Variants in KIF26B observed in about 807,000 individuals in gnomAD.
The protein encoded by KIF26B is kinesin-like protein KIF26B.
In KIF26B, 63 loss-of-function variants were observed where a neutral mutation model predicts 151.2. The ratio of observed to expected loss-of-function variants is 0.42; its 90% confidence interval spans 0.34 to 0.51. The LOEUF is 0.51. KIF26B is among the 20% of genes least tolerant of loss of function. The pLI is 0.07. For missense variants in KIF26B, 2,813 were observed against 2,913.6 expected (o/e 0.97, Z 0.79); for synonymous variants, 1,357 against 1,262.1 (o/e 1.08, Z -1.59).
At position 245,600,659 on chromosome 1, in the gene KIF26B, T is replaced by G. The variant is rs2043386448; in HGVS notation, c.1351-1918T>G. ...CTCCTGGATCATGATATCTTATCAT[T>G]TTCCAATCACAGCGTTAATGGTAAG... On this transcript the variant is annotated intron_variant, in intron 5 of 14. Transcript: ENST00000407071. Among the ~76,000 whole-genome samples, 4 of 151,838 alleles carry G rather than the reference T, an allele frequency of 2.6e-5. 1 individual carries two copies. In the South Asian group the frequency reaches 8.4e-4, roughly 32 times the overall value.
chr1:245,691,625 C>G (rs937377454), intron 12 of KIF26B, among the ~76,000 whole-genome samples: 2 of 152,210 alleles, frequency 1.3e-5, no homozygotes, highest in Admixed American at 6.5e-5. Context: ...AAATTCCTAA[C>G]TAGATGGCTA....
chr1:245,487,789 G>C (rs1660315202), intron 4 of KIF26B, among the ~76,000 whole-genome samples: 1 of 136,540 alleles, frequency 7.3e-6, no homozygotes, highest in Non-Finnish European at 1.6e-5. Flanking sequence ...TTTGAGACAA[G>C]AGTCTCGCTC....
rs1325564506 is a variant in KIF26B at position 245,244,336 on chromosome 1, C to T, written c.465+87653C>T. ...TGTTCCATTACTCTGAAAGACAATC[C>T]AAGATACGTCAGAGTCTCTTCTTGG... On this transcript the variant is annotated intron_variant, in intron 2 of 14. Transcript: ENST00000407071. This position sits in a 1 kb window ranked among gnomAD's most constrained non-coding sequence, Gnocchi z 4.2. Among the ~76,000 whole-genome samples the T allele has an allele frequency of 6.6e-6, 1 of 151,964 alleles. No homozygotes were observed. Among genetic ancestry groups the T allele is most frequent in the East Asian group, 1.9e-4 (1 of 5,190 alleles).
At position 245,287,060 on chromosome 1, in the gene KIF26B, G is replaced by T. The variant is rs796130419; in HGVS notation, c.466-79774G>T. 3.3e-5 allele frequency among the ~76,000 whole-genome samples: 5 copies of T among 152,084 alleles called. No homozygotes were observed. In the South Asian group the frequency reaches 1.0e-3, roughly 32 times the overall value. On this transcript the variant is annotated intron_variant, in intron 2 of 14. Coordinates refer to ENST00000407071, the MANE Select transcript of KIF26B (RefSeq NM_018012.4). ...GGAGGTGGAGGTTGCAGTGAGCCGA[G>T]ATCTTGCCACTGCACTCCAGCCTGG... is the stretch of plus-strand genomic sequence containing the variant.
rs1418710218 is a variant in KIF26B, at chr1:245,705,217, C to T, written c.*2611C>T. The T allele has an allele frequency of 6.6e-6, 1 of 152,232 alleles. No homozygotes were observed. The highest frequency in any genetic ancestry group is 1.5e-5 in the Non-Finnish European group (1 of 68,036). 9.4% of individuals were successfully genotyped at this position (152,232 alleles called of 1,614,324 possible). ...TCACAGAACACCTCGCAGGATCTCG[C>T]AGGCCACGGTGAAGGAGAATGCTTT... On this transcript the variant is annotated 3_prime_UTR_variant, in exon 15 of 15. Transcript: ENST00000407071.
At chr1:245,444,255 G>A (rs564411344) in intron 4 of KIF26B, among the ~76,000 whole-genome samples, 2 of 152,290 alleles carry the variant, frequency 1.3e-5, no homozygotes, top group East Asian at 1.9e-4. Flanking sequence ...CCGTGGGGAG[G>A]AGGCGGGTGG....
intron 2 of KIF26B, among the ~76,000 whole-genome samples, chr1:245,332,905 C>G (rs1372589648): frequency 6.6e-6 from 1 of 152,134 alleles, no homozygotes; most frequent in Non-Finnish European, 1.5e-5. Flanking sequence ...AGAAACATCT[C>G]CTGGAGACAC....
chr1:245,248,584 G>T (rs191600003), intron 2 of KIF26B, among the ~76,000 whole-genome samples: 14 of 152,246 alleles, frequency 9.2e-5, no homozygotes, highest in Admixed American at 2.6e-4. Context: ...GATTGTTGAC[G>T]CCAAGAACTA....
At chr1:245,589,228 G>C (rs184209576) in intron 5 of KIF26B, among the ~76,000 whole-genome samples, 1 of 152,264 alleles carries the variant, frequency 6.6e-6, no homozygotes, top group Non-Finnish European at 1.5e-5. Context: ...CTGGAACTAA[G>C]CTGCAGAGTC....
intron 2 of KIF26B, among the ~76,000 whole-genome samples, chr1:245,347,521 T>C (rs1283616753): frequency 6.6e-6 from 1 of 152,150 alleles, no homozygotes; most frequent in Non-Finnish European, 1.5e-5. Context: ...GGGGTCTTGC[T>C]ACATTTTCCA....
chr1:245,253,833 A>G (rs1670485789), intron 2 of KIF26B, among the ~76,000 whole-genome samples: 1 of 116,632 alleles, frequency 8.6e-6, no homozygotes, highest in African/African-American at 3.6e-5. Context: ...TTTTTGAAAC[A>G]GAGTCTCGCT....
At chr1:245,442,761 C>T (rs987598983) in intron 4 of KIF26B, among the ~76,000 whole-genome samples, 3 of 131,606 alleles carry the variant, frequency 2.3e-5, no homozygotes, top group African/African-American at 6.0e-5. Flanking sequence ...TCACCTACAG[C>T]GGTCATCTCC....
chr1:245,673,283 GCTGGGCGCTGCCATCTT>G (rs2044316496), intron 10 of KIF26B, among the ~76,000 whole-genome samples: 2 of 138,512 alleles, frequency 1.4e-5, no homozygotes, highest in Non-Finnish European at 3.1e-5. Flanking sequence ...CCCAGTCCCC[GCTGGGCGCTGCCATCTT>G]AGGCCCAGTC....
chr1:245,354,172 G>A (rs1672630626), intron 2 of KIF26B, among the ~76,000 whole-genome samples: 1 of 152,174 alleles, frequency 6.6e-6, no homozygotes, highest in South Asian at 2.1e-4. Flanking sequence ...GTGGTTTTAT[G>A]AGGGAACAAA....
chr1:245,405,675 G>T (rs999529835), intron 3 of KIF26B, among the ~76,000 whole-genome samples: 4 of 151,696 alleles, frequency 2.6e-5, no homozygotes, highest in Admixed American at 2.0e-4. Context: ...GGGCTGTGGC[G>T]TGAACTAGGG....
chr1:245,494,152 G>A (rs1974289), intron 4 of KIF26B, among the ~76,000 whole-genome samples: 139,371 of 152,060 alleles, frequency 0.92, 64,692 homozygotes, highest in Non-Finnish European at 0.99. Flanking sequence ...TAAAAATACA[G>A]AAACTTAGCT....
chr1:245,570,114 T>C (rs2043052971), intron 5 of KIF26B, among the ~76,000 whole-genome samples: 1 of 151,690 alleles, frequency 6.6e-6, no homozygotes, highest in Non-Finnish European at 1.5e-5. Flanking sequence ...TTTTTTGTAT[T>C]TTTAGTAGAG....
intron 3 of KIF26B, among the ~76,000 whole-genome samples, chr1:245,414,532 G>A (rs1674371331): frequency 6.6e-6 from 1 of 152,206 alleles, no homozygotes. Flanking sequence ...ACAGTCGGAA[G>A]TGACCAAGCT....
intron 2 of KIF26B, among the ~76,000 whole-genome samples, chr1:245,327,066 A>G (rs1043978501): frequency 2.6e-5 from 4 of 152,174 alleles, no homozygotes; most frequent in Admixed American, 2.0e-4. Context: ...AGTTTTGTAA[A>G]CGGACCTAAG....
Sources: gnomAD v4.1 joint callset for allele counts (sites outside exome capture counted in the v4.1 genomes callset) on GRCh38, gnomAD v4.1.1 for gene constraint, Gnocchi (gnomAD v3.1) non-coding constraint, MANE v1.5 for transcripts, NCBI Gene and HGNC (gene_info 2026-07-23, HGNC 2026-07-21) for gene names.